CYP3A7: variants seen among roughly 807,000 people sequenced by gnomAD.
CYP3A7 encodes the protein cytochrome P450 3A7.
A neutral mutation model predicts 55.2 loss-of-function variants in CYP3A7; 45 were observed. The ratio of observed to expected loss-of-function variants is 0.82; its 90% CI spans 0.64 to 1.05. The LOEUF is 1.05. CYP3A7 is among the 50% of genes least tolerant of loss of function. CYP3A7 has a pLI of 0.00. For missense variants in CYP3A7, 548 were observed against 605.3 expected, an observed-to-expected ratio of 0.91 and a Z score of 0.99; for synonymous variants, 180 against 207.4, an observed-to-expected ratio of 0.87 and a Z score of 1.13.
chr7:99,729,875 A>G (rs533718590), intron 2 of CYP3A7, among the ~76,000 whole-genome samples: 41 of 152,320 alleles, frequency 2.7e-4, no homozygotes, highest in Middle Eastern at 6.8e-3. Flanking sequence ...AAGTGATTAA[A>G]AACATTTATT....
Position 99,720,373 on chromosome 7 carries a change from A to G in CYP3A7, c.258T>C (p.Asp86=), listed in dbSNP as rs751698859. 56 of 1,613,690 alleles carry G rather than the reference A, an allele frequency of 3.5e-5. No individual in the cohort carries two copies. The South Asian group carries it at 6.1e-4, about 18-fold the overall frequency. Residue 86 remains aspartate (D), a synonymous_variant, in exon 4 of 13, where the codon GAT becomes GAC. Transcript: ENST00000336374. ...CTAGCACTGTTTTGATCATGTCGGGATCTGTGATAGCCAGCATAGGCTGTT... is the reference window on the plus strand; with the variant it reads ...CTAGCACTGTTTTGATCATGTCGGGGTCTGTGATAGCCAGCATAGGCTGTT... ...DCQQPMLAIT[D]PDMIKTVLVK...
rs1314906183 is a variant in CYP3A7 at position 99,731,069 on chromosome 7, G to A, written c.155C>T (p.Ser52Phe). The change falls in exon 2 of 13, where the codon TCC becomes TTC. Residue 52 changes from serine to phenylalanine, a missense_variant. Coordinates refer to ENST00000336374, the MANE Select transcript of CYP3A7 (RefSeq NM_000765.5). ...CTCAAAAACACTCACCTTACGGAAG[G>A]ACAAAGCATTTCCCAAAAAAGGCAG... is the stretch of plus-strand genomic sequence containing the variant. ...TPLPFLGNAL[S>F]FRKGYWTFDM... The A allele has an allele frequency of 6.2e-7, 1 of 1,613,760 alleles. No individual in the cohort carries two copies. The highest frequency in any genetic ancestry group is 2.2e-5 in the East Asian group (1 of 44,836).
chr7:99,714,064 G>T (rs980275071), intron 8 of CYP3A7, among the ~76,000 whole-genome samples: 2 of 152,156 alleles, frequency 1.3e-5, no homozygotes, highest in Non-Finnish European at 2.9e-5. Context: ...GAAGACCTCT[G>T]TTCACTCGAG....
chr7:99,725,235 AG>A (rs1352680698), intron 2 of CYP3A7, among the ~76,000 whole-genome samples: 1 of 152,176 alleles, frequency 6.6e-6, no homozygotes, highest in Non-Finnish European at 1.5e-5. Flanking sequence ...CTGGACCCAG[AG>A]GGGCCAGAAG....
At chr7:99,709,379 A>C (rs1813657806) in intron 10 of CYP3A7, 118 bp from the exon 11 acceptor site, 1 of 1,437,256 alleles carries the variant, frequency 7.0e-7, no homozygotes, top group African/African-American at 1.4e-5. Flanking sequence ...CTGGCAAAGG[A>C]TTGTAGCATT....
chr7:99,724,315 A>G lies in CYP3A7; in HGVS notation c.166-1967T>C, dbSNP rs1432790087. On this transcript the variant is annotated intron_variant, in intron 2 of 12. Transcript: ENST00000336374. ...TGGACAATGGTTCCAAATAGCCAGA[A>G]AATGACACTTTTGATTTCTCGATCT... Among the ~76,000 whole-genome samples, 4 of 152,318 alleles carry G rather than the reference A, an allele frequency of 2.6e-5. No homozygotes were observed. In the East Asian group the frequency reaches 7.7e-4, roughly 29 times the overall value.
At chr7:99,712,448 A>G (rs530124569) in intron 9 of CYP3A7, among the ~76,000 whole-genome samples, 51 of 152,344 alleles carry the variant, frequency 3.3e-4, no homozygotes, top group African/African-American at 1.2e-3. Flanking sequence ...TTATTCAATT[A>G]AACTTAAATA....
intron 9 of CYP3A7, 83 bp downstream of exon 9, chr7:99,713,386 T>C: frequency 6.3e-6 from 10 of 1,590,974 alleles, no homozygotes; most frequent in Non-Finnish European, 8.6e-6. Flanking sequence ...CTCATCTACC[T>C]GGAATACTTC....
At chr7:99,725,123 G>A (rs1231651651) in intron 2 of CYP3A7, among the ~76,000 whole-genome samples, 1 of 152,114 alleles carries the variant, frequency 6.6e-6, no homozygotes, top group Non-Finnish European at 1.5e-5. Context: ...AGCATACAAG[G>A]CTGTTAATTA....
chr7:99,723,164 C>A (rs1327942639), intron 2 of CYP3A7, among the ~76,000 whole-genome samples: 1 of 152,056 alleles, frequency 6.6e-6, no homozygotes, highest in Non-Finnish European at 1.5e-5. Flanking sequence ...GGCCTCTTAG[C>A]CCAAGCCTGC....
At chr7:99,714,799 T>C in intron 7 of CYP3A7, 117 bp from the exon 8 acceptor site, 2 of 1,508,128 alleles carry the variant, frequency 1.3e-6, no homozygotes, top group Admixed American at 4.0e-5. Flanking sequence ...TGTTCTCAAC[T>C]GGAAGCCATT....
chr7:99,734,015 C>T (rs1180373770), intron 1 of CYP3A7, among the ~76,000 whole-genome samples: 7 of 152,160 alleles, frequency 4.6e-5, no homozygotes, highest in Non-Finnish European at 1.0e-4. Context: ...GTCACAAATA[C>T]TGAACTAATA....
intron 11 of CYP3A7, among the ~76,000 whole-genome samples, chr7:99,708,526 A>G (rs1034704491): frequency 1.3e-5 from 2 of 150,512 alleles, no homozygotes; most frequent in African/African-American, 4.9e-5. Context: ...TTTCTCCCCC[A>G]CACCTCCATA....
At chr7:99,714,068 A>C (rs570538617) in intron 8 of CYP3A7, among the ~76,000 whole-genome samples, 1 of 152,184 alleles carries the variant, frequency 6.6e-6, no homozygotes, top group Non-Finnish European at 1.5e-5. Flanking sequence ...ACCTCTGTTC[A>C]CTCGAGGCTG....
At chr7:99,717,083 C>T in intron 6 of CYP3A7, 94 bp downstream of exon 6, 1 of 1,542,066 alleles carries the variant, frequency 6.5e-7, no homozygotes, top group East Asian at 2.3e-5. Flanking sequence ...TGTCTGGTCA[C>T]TGGAATAACC....
intron 6 of CYP3A7, among the ~76,000 whole-genome samples, 197 bp downstream of exon 6, chr7:99,716,980 A>G (rs1813976186): frequency 6.6e-6 from 1 of 152,200 alleles, no homozygotes; most frequent in South Asian, 2.1e-4. Flanking sequence ...TGCACAGGGG[A>G]GAAGATCCTT....
chr7:99,715,943 C>T (rs767671357), intron 6 of CYP3A7, 37 bp from the exon 7 acceptor site: 1 of 1,612,810 alleles, frequency 6.2e-7, no homozygotes, highest in East Asian at 2.2e-5. Flanking sequence ...AAAATCAGCA[C>T]CTCTTTACCA....
At chr7:99,718,992 C>G (rs1313020870) in intron 4 of CYP3A7, among the ~76,000 whole-genome samples, 2 of 152,080 alleles carry the variant, frequency 1.3e-5, no homozygotes, top group Non-Finnish European at 2.9e-5. Context: ...TTGCTAAAAG[C>G]AATCAGAGAA....
At chr7:99,706,546 G>A (rs981885911) in intron 12 of CYP3A7, among the ~76,000 whole-genome samples, 4 of 152,156 alleles carry the variant, frequency 2.6e-5, no homozygotes, top group African/African-American at 9.7e-5. Context: ...ATGAGACCTA[G>A]AAATAAGATT....
Sources: allele counts gnomAD v4.1 joint callset (sites outside exome capture counted in the v4.1 genomes callset), GRCh38; gene constraint gnomAD v4.1.1; transcripts MANE v1.5; gene names NCBI Gene and HGNC (gene_info 2026-07-23, HGNC 2026-07-21).